The following DYNLT2B variants were observed in gnomAD, a reference collection of about 807,000 sequenced individuals.
DYNLT2B encodes the protein dynein light chain Tctex-type protein 2B.
Under a neutral mutation model 19.5 loss-of-function variants are expected in DYNLT2B, and 14 were observed. The ratio of observed to expected loss-of-function variants is 0.72; its 90% confidence interval spans 0.47 to 1.12. The LOEUF (loss-of-function observed/expected upper bound fraction) is 1.12. Ranked by LOEUF, DYNLT2B falls within the 50% of genes most tolerant of loss-of-function variation. The pLI, the probability that DYNLT2B is intolerant of heterozygous loss-of-function variation, is 0.00. For synonymous variants in DYNLT2B, 70 were observed against 59.7 expected (o/e 1.17, Z -0.79); for missense variants, 133 against 174.7 (o/e 0.76, Z 1.35).
At chr3:196,301,945 A>G (rs996549859) in intron 3 of DYNLT2B, among the ~76,000 whole-genome samples, 1 of 152,118 alleles carries the variant, frequency 6.6e-6, no homozygotes, top group African/African-American at 2.4e-5. Flanking sequence ...AGGCCAATAG[A>G]AAAATATACA....
intron 3 of DYNLT2B, chr3:196,296,280 T>A: frequency 2.0e-6 from 1 of 496,970 alleles, no homozygotes; most frequent in Admixed American, 3.5e-5. Context: ...TGCTTGCAAC[T>A]AGAGGTGACC....
chr3:196,310,732 T>C (rs1043360131), intron 2 of DYNLT2B, among the ~76,000 whole-genome samples: 2 of 151,100 alleles, frequency 1.3e-5, no homozygotes, highest in East Asian at 1.9e-4. Flanking sequence ...CTGGCCTGTT[T>C]TGTTTTGTTT....
intron 4 of DYNLT2B, among the ~76,000 whole-genome samples, chr3:196,292,988 G>T (rs1726132227): frequency 6.6e-6 from 1 of 152,138 alleles, no homozygotes; most frequent in Non-Finnish European, 1.5e-5. Context: ...CAAGTAGCTG[G>T]GACTACAGGC....
intron 3 of DYNLT2B, among the ~76,000 whole-genome samples, chr3:196,296,517 A>G (rs1726225996): frequency 6.6e-6 from 1 of 152,180 alleles, no homozygotes; most frequent in East Asian, 1.9e-4. Flanking sequence ...AACTCCAAAA[A>G]TATCTCTACA....
intron 2 of DYNLT2B, among the ~76,000 whole-genome samples, chr3:196,313,062 C>G (rs1726683522): frequency 6.6e-6 from 1 of 152,044 alleles, no homozygotes; most frequent in Non-Finnish European, 1.5e-5. Flanking sequence ...GGTCAAGGAA[C>G]TAAACAGGAG....
In DYNLT2B at chr3:196,318,178, G is replaced by T; in HGVS notation, c.-26C>A. On this transcript the variant is annotated 5_prime_UTR_variant, in exon 1 of 5. Transcript: ENST00000325318. ...GCCGGGGCTTCTCGGTCCGGGCGTA[G>T]CTCGCGATGAAGGCCTAGCGGGTTG... The T allele has an allele frequency of 2.1e-6, 3 of 1,402,246 alleles. No homozygotes were observed. The highest frequency in any genetic ancestry group is 2.9e-6 in the Non-Finnish European group (3 of 1,051,660). The allele number at this position is 1,402,246 out of a possible 1,614,324, so 86.9% of individuals were successfully genotyped here. A position where few individuals can be genotyped will look rare whatever the true frequency, so the allele number is the denominator to read the frequency against.
At position 196,318,196 on chromosome 3, in the gene DYNLT2B, G is replaced by C. The variant is rs929303126; in HGVS notation, c.-44C>G. The C allele has an allele frequency of 1.6e-5, 20 of 1,237,372 alleles. No individual in the cohort carries two copies. Among genetic ancestry groups the C allele is most frequent in the Non-Finnish European group, 2.2e-5 (20 of 916,450 alleles). 76.6% of individuals were successfully genotyped at this position (1,237,372 alleles called of 1,614,324 possible). ...GGGCGTAGCTCGCGATGAAGGCCTA[G>C]CGGGTTGCGGTCGCGGCCGGCAGCA... On this transcript the variant is annotated 5_prime_UTR_variant, in exon 1 of 5. Coordinates refer to ENST00000325318, the MANE Select transcript of DYNLT2B (RefSeq NM_152773.5).
Position 196,306,999 on chromosome 3 carries a change from G to A in DYNLT2B, c.261C>T (p.Asp87=). The A allele has an allele frequency of 6.2e-7, 1 of 1,613,640 alleles. No homozygotes were observed. The highest frequency in any genetic ancestry group is 1.3e-5 in the African/African-American group (1 of 74,964). The change falls in exon 3 of 5, where the codon GAC becomes GAT. Residue 87 remains aspartate, a synonymous_variant. Coordinates refer to ENST00000325318, the MANE Select transcript of DYNLT2B (RefSeq NM_152773.5). ...CTACTTGCACCACCATTTTGTATCGGTCAAATCCCATTTCTAGAAAGAAAA... is the reference window on the plus strand; with the variant it reads ...CTACTTGCACCACCATTTTGTATCGATCAAATCCCATTTCTAGAAAGAAAA... The part of the protein sequence containing the change: ...IKDKLKEMGF[D]RYKMVVQVVI...
chr3:196,314,262 T>C (rs887408972), intron 2 of DYNLT2B, among the ~76,000 whole-genome samples: 1 of 151,852 alleles, frequency 6.6e-6, no homozygotes, highest in African/African-American at 2.4e-5. Flanking sequence ...TCCCAGCATG[T>C]TGGGAGGCCA....
At position 196,318,082 on chromosome 3, in the gene DYNLT2B, T is replaced by A. The variant is rs1428740080; in HGVS notation, c.71A>T (p.Glu24Val). ...GVPEAEKNAG[E>V]PENTYILRPV... ...CCGCAGAATATAGGTGTTCTCGGGCTCCCCTGCGTTCTTCTCAGCCTCAGG... is the reference window on the plus strand; with the variant it reads ...CCGCAGAATATAGGTGTTCTCGGGCACCCCTGCGTTCTTCTCAGCCTCAGG... Residue 24 changes from glutamate to valine, a missense_variant, in exon 1 of 5, where the codon GAG becomes GTG. Transcript: ENST00000325318. The A allele has an allele frequency of 1.3e-6, 2 of 1,564,546 alleles. No individual in the cohort carries two copies. The highest frequency in any genetic ancestry group is 2.8e-5 in the African/African-American group (2 of 70,558).
intron 3 of DYNLT2B, among the ~76,000 whole-genome samples, chr3:196,304,826 AC>A (rs757057181): frequency 1.1e-4 from 17 of 152,138 alleles, no homozygotes; most frequent in Non-Finnish European, 1.9e-4. Flanking sequence ...CTTACAGCTG[AC>A]TTCTCAACAG....
At position 196,317,804 on chromosome 3, in the gene DYNLT2B, G is replaced by A. The variant is rs972460443; in HGVS notation, c.113+236C>T. Among the ~76,000 whole-genome samples the A allele has an allele frequency of 2.6e-5, 4 of 152,156 alleles. No individual in the cohort carries two copies. The East Asian group carries it at 7.7e-4, about 29-fold the overall frequency. On this transcript the variant is annotated intron_variant, in intron 1 of 4. Transcript: ENST00000325318. ...AACCATTCCCGCCGCGCCACCCTAA[G>A]ACGCGCCCGGCGCCCAAACACTGAG...
chr3:196,311,182 A>C (rs941096149), intron 2 of DYNLT2B, among the ~76,000 whole-genome samples: 2 of 152,224 alleles, frequency 1.3e-5, no homozygotes, highest in African/African-American at 4.8e-5. Context: ...TTACTGGTTT[A>C]AGAAAATCAC....
At position 196,312,062 on chromosome 3, in the gene DYNLT2B, T is replaced by C. The variant is rs1241270247; in HGVS notation, c.247+4036A>G. On this transcript the variant is annotated intron_variant, in intron 2 of 4. Transcript: ENST00000325318. ...CGCCTGGCTAATTTTGTATCTTTAG[T>C]AGAGACAGGGTTTCTCCATGTTGGT... Among the ~76,000 whole-genome samples the C allele has an allele frequency of 3.9e-5, 6 of 152,186 alleles. 1 individual carries two copies. Among genetic ancestry groups the C allele is most frequent in the Admixed American group, 2.6e-4 (4 of 15,280 alleles).
In DYNLT2B at chr3:196,316,091, T is replaced by C. The variant is rs531565762; in HGVS notation, c.247+7A>G. On this transcript the variant is annotated splice_region_variant and intron_variant, in intron 2 of 4. Transcript: ENST00000325318. Reference sequence around the variant, plus strand: ...AATGAGTCATTTCCAGTTATCACCATGATTACCTTTTAATTTATCTTTAAT... The same window carrying C: ...AATGAGTCATTTCCAGTTATCACCACGATTACCTTTTAATTTATCTTTAAT... The C allele has an allele frequency of 7.4e-6, 12 of 1,612,676 alleles. No homozygotes were observed. Among genetic ancestry groups the C allele is most frequent in the African/African-American group, 1.3e-5 (1 of 75,034 alleles).
intron 3 of DYNLT2B, chr3:196,298,063 A>G (rs1726265870): frequency 8.1e-6 from 2 of 245,890 alleles, no homozygotes. Flanking sequence ...GCAGTTCCTT[A>G]TAGACCCAGC....
At chr3:196,302,907 G>GT (rs1215569271) in intron 3 of DYNLT2B, among the ~76,000 whole-genome samples, 1 of 151,808 alleles carries the variant, frequency 6.6e-6, no homozygotes, top group Admixed American at 6.6e-5. Context: ...AACAAAGACG[G>GT]TAACAGCCCT....
Position 196,299,090 on chromosome 3 carries a change from C to CT in DYNLT2B, c.318-3022dup, listed in dbSNP as rs1419829806. On this transcript the variant is annotated intron_variant, in intron 3 of 4. Coordinates refer to ENST00000325318, the MANE Select transcript of DYNLT2B (RefSeq NM_152773.5). ...CCATGCCTGGCTAATTTTTTTTTTTCTTTTTTTTTTTTGAGATGGAGTTTC... is the reference window on the plus strand; with the variant it reads ...CCATGCCTGGCTAATTTTTTTTTTTCTTTTTTTTTTTTTGAGATGGAGTTTC... 2.6e-3 allele frequency among the ~76,000 whole-genome samples: 313 copies of CT among 119,452 alleles called. 1 individual carries two copies. The highest frequency in any genetic ancestry group is 4.7e-3 in the African/African-American group (151 of 32,466). The allele number at this position is 119,452 out of a possible 152,430, so 78.4% of individuals were successfully genotyped here. A position where few individuals can be genotyped will look rare whatever the true frequency, so the allele number is the denominator to read the frequency against.
At chr3:196,296,628 C>CTT (rs1339550297) in intron 3 of DYNLT2B, among the ~76,000 whole-genome samples, 2 of 152,066 alleles carry the variant, frequency 1.3e-5, no homozygotes, top group African/African-American at 4.8e-5. Context: ...ATGGAAACAA[C>CTT]TTAAATGCCC....
Sources: allele counts gnomAD v4.1 joint callset (sites outside exome capture counted in the v4.1 genomes callset), GRCh38; gene constraint gnomAD v4.1.1; transcripts MANE v1.5; gene names NCBI Gene and HGNC (gene_info 2026-07-23, HGNC 2026-07-21).